The following USH2A variants were observed in gnomAD, a reference collection of about 807,000 sequenced individuals.
The protein encoded by USH2A is Usher syndrome 2A (autosomal recessive, mild).
Under a neutral mutation model 538.9 loss-of-function variants are expected in USH2A, and 443 were observed. That is an observed-to-expected ratio of 0.82 (90% CI 0.76 to 0.89). The LOEUF (loss-of-function observed/expected upper bound fraction) is 0.89. Among genes scored for constraint, USH2A ranks in the 40% least tolerant of loss-of-function variants. USH2A has a pLI of 0.00. For missense variants in USH2A, 6,633 were observed against 6,324.8 expected, an observed-to-expected ratio of 1.05 and a Z score of -1.65; for synonymous variants, 2,413 against 2,273.5, an observed-to-expected ratio of 1.06 and a Z score of -1.75.
chr1:216,339,395 A>C (rs146487058), intron 4 of USH2A, among the ~76,000 whole-genome samples: 1,578 of 151,800 alleles, frequency 0.01, 45 homozygotes, highest in Admixed American at 0.059. Context: ...GACCATTTTT[A>C]ATCTATAAGA....
chr1:215,844,169 C>A, intron 46 of USH2A, 125 bp downstream of exon 46: 1 of 1,029,640 alleles, frequency 9.7e-7, no homozygotes, highest in African/African-American at 1.6e-5. Flanking sequence ...TCCCTTCTCT[C>A]TTTTCCCTTC....
At chr1:216,294,485 C>A (rs990430230) in intron 9 of USH2A, among the ~76,000 whole-genome samples, 1 of 151,054 alleles carries the variant, frequency 6.6e-6, no homozygotes, top group East Asian at 1.9e-4. Context: ...TTATATTTCT[C>A]ATAAAATAAC....
chr1:215,662,644 T>C (rs1657479714), intron 64 of USH2A, among the ~76,000 whole-genome samples: 1 of 152,210 alleles, frequency 6.6e-6, no homozygotes. Flanking sequence ...CATGGAAATG[T>C]CCCAGTGGCC....
chr1:216,142,076 C>A (rs2033614621), intron 21 of USH2A, among the ~76,000 whole-genome samples: 1 of 152,076 alleles, frequency 6.6e-6, no homozygotes, highest in South Asian at 2.1e-4. Flanking sequence ...AAGTTTATTT[C>A]TTTGAACAAG....
At chr1:215,803,250 C>T (rs1662393516) in intron 49 of USH2A, among the ~76,000 whole-genome samples, 1 of 152,110 alleles carries the variant, frequency 6.6e-6, no homozygotes, top group Admixed American at 6.6e-5. Flanking sequence ...TCTCACCACT[C>T]CTATTCAACA....
At chr1:216,140,708 G>A (rs1325158795) in intron 21 of USH2A, among the ~76,000 whole-genome samples, 1 of 152,164 alleles carries the variant, frequency 6.6e-6, no homozygotes, top group Non-Finnish European at 1.5e-5. Context: ...TCAATCTACT[G>A]TCCAGCTCAG....
intron 21 of USH2A, among the ~76,000 whole-genome samples, chr1:216,162,801 A>T (rs1006439647): frequency 6.6e-6 from 1 of 152,006 alleles, no homozygotes. Flanking sequence ...CCTTAGCTCT[A>T]TGTTGCCTGT....
chr1:215,973,945 C>CACACAA (rs1667558327), intron 35 of USH2A, among the ~76,000 whole-genome samples: 1 of 143,620 alleles, frequency 7.0e-6, no homozygotes, highest in Non-Finnish European at 1.5e-5. Context: ...TGAGATCACA[C>CACACAA]ACACACACAC....
intron 32 of USH2A, among the ~76,000 whole-genome samples, chr1:216,033,136 A>G (rs1273030040): frequency 6.6e-6 from 1 of 152,196 alleles, no homozygotes; most frequent in Non-Finnish European, 1.5e-5. Context: ...TCATGTGTTA[A>G]ATAAGACAGA....
At chr1:215,859,033 T>G (rs1664245623) in intron 44 of USH2A, among the ~76,000 whole-genome samples, 1 of 151,990 alleles carries the variant, frequency 6.6e-6, no homozygotes, top group African/African-American at 2.4e-5. Flanking sequence ...TTTTCCTCTG[T>G]GATCGGAGAA....
intron 47 of USH2A, among the ~76,000 whole-genome samples, chr1:215,829,336 A>G (rs1663248056): frequency 6.6e-6 from 1 of 152,196 alleles, no homozygotes; most frequent in South Asian, 2.1e-4. Context: ...GGCATAAGTT[A>G]AGGCCAAAGA....
intron 65 of USH2A, among the ~76,000 whole-genome samples, chr1:215,649,485 G>T (rs1268549363): frequency 6.6e-6 from 1 of 152,166 alleles, no homozygotes; most frequent in Non-Finnish European, 1.5e-5. Context: ...GTTAAAAAAT[G>T]CATACAATGC....
At chr1:215,766,574 T>C in intron 56 of USH2A, 107 bp downstream of exon 56, 2 of 1,053,246 alleles carry the variant, frequency 1.9e-6, no homozygotes, top group Non-Finnish European at 1.5e-6. Flanking sequence ...TTTGTACCTA[T>C]CAACTTTATT....
At chr1:216,322,148 T>A (rs2376830) in intron 8 of USH2A, among the ~76,000 whole-genome samples, 172 bp from the exon 9 acceptor site, 1,559 of 152,250 alleles carry the variant, frequency 0.01, 43 homozygotes, top group Admixed American at 0.06. Flanking sequence ...ACGTTTTTAA[T>A]TTATCTGGAA....
chr1:216,213,086 C>T (rs2035276142), intron 15 of USH2A, among the ~76,000 whole-genome samples: 1 of 152,042 alleles, frequency 6.6e-6, no homozygotes, highest in Non-Finnish European at 1.5e-5. Flanking sequence ...TCTTCATCTC[C>T]TTGGTTAAAT....
intron 32 of USH2A, among the ~76,000 whole-genome samples, chr1:216,018,781 G>T: frequency 8.0e-6 from 1 of 124,944 alleles, no homozygotes. Flanking sequence ...TTTGAAAAAT[G>T]TTAAGTAGCA....
At chr1:216,065,868 A>G (rs1280296279) in intron 30 of USH2A, among the ~76,000 whole-genome samples, 2 of 151,982 alleles carry the variant, frequency 1.3e-5, no homozygotes, top group African/African-American at 4.8e-5. Flanking sequence ...CTGCACTCCA[A>G]CCTGGGTGAC....
chr1:215,799,221 C>CTGA, intron 49 of USH2A, 96 bp from the exon 50 acceptor site: 1 of 1,329,682 alleles, frequency 7.5e-7, no homozygotes, highest in East Asian at 2.5e-5. Flanking sequence ...CAGATCCCAA[C>CTGA]TGATTGACAG....
intron 21 of USH2A, 67 bp from the exon 22 acceptor site, chr1:216,097,280 A>T: frequency 6.2e-7 from 1 of 1,611,442 alleles, no homozygotes; most frequent in South Asian, 1.1e-5. Flanking sequence ...ATAAATGTAC[A>T]TTTACTTTCA....
Sources: gnomAD v4.1 joint callset for allele counts (sites outside exome capture counted in the v4.1 genomes callset) on GRCh38, gnomAD v4.1.1 for gene constraint, MANE v1.5 for transcripts, NCBI Gene and HGNC (gene_info 2026-07-23, HGNC 2026-07-21) for gene names.